ST14: variants seen among roughly 807,000 people sequenced by gnomAD.
ST14 encodes the protein suppressor of tumorigenicity 14 protein.
In ST14, 40 loss-of-function variants were observed where a neutral mutation model predicts 96.5. The observed-to-expected ratio is 0.41, with a 90% confidence interval of 0.32 to 0.54. The LOEUF is 0.54. ST14 is among the 20% of genes least tolerant of loss of function. ST14 has a pLI of 0.17. For synonymous variants in ST14, 506 were observed against 492.1 expected (o/e 1.03, Z -0.37); for missense variants, 1,066 against 1,188.9 (o/e 0.90, Z 1.52).
chr11:130,172,455 C>T (rs1321015937), intron 1 of ST14, among the ~76,000 whole-genome samples: 15 of 140,202 alleles, frequency 1.1e-4, no homozygotes, highest in African/African-American at 3.2e-4. Context: ...TCTCAGTCTG[C>T]CACCCAGGCT....
chr11:130,208,280 G>C, intron 16 of ST14, 130 bp from the exon 17 acceptor site: 1 of 1,305,246 alleles, frequency 7.7e-7, no homozygotes, highest in Non-Finnish European at 1.1e-6. Flanking sequence ...AGTAAGAGCC[G>C]GCCCCATCGT....
chr11:130,195,837 AGT>A (rs1302342483), intron 9 of ST14, among the ~76,000 whole-genome samples: 2 of 134,694 alleles, frequency 1.5e-5, no homozygotes, highest in Admixed American at 1.6e-4. Flanking sequence ...TGGGTGACAG[AGT>A]GAGACTTTGT....
Position 130,208,676 on chromosome 11 carries a change from A to C in ST14, c.2261A>C (p.Gln754Pro), listed in dbSNP as rs1183283750. Residue 754 changes from glutamine (Q) to proline (P), a missense_variant, in exon 17 of 19, where the codon CAG becomes CCG. Physicochemically the swap from Gln to Pro is moderately conservative, Grantham distance 76. Coordinates refer to ENST00000278742, the MANE Select transcript of ST14 (RefSeq NM_021978.4). Reference protein sequence around the residue: ...AIWVTGWGHTQYGGTGALILQ... With the variant: ...AIWVTGWGHTPYGGTGALILQ... The stretch of plus-strand genomic sequence containing the variant: ...TGGGTCACGGGCTGGGGACACACCC[A>C]GTATGGAGGTAAGCTTCGGGCTGAC... 6.2e-7 allele frequency: 1 copy of C among 1,612,852 alleles called. No homozygotes were observed. The highest frequency in any genetic ancestry group is 8.5e-7 in the Non-Finnish European group (1 of 1,179,350).
intron 9 of ST14, 33 bp from the exon 10 acceptor site, chr11:130,196,306 A>G (rs1953362279): frequency 1.3e-6 from 2 of 1,526,712 alleles, no homozygotes; most frequent in East Asian, 2.4e-5. Context: ...AGGGAGGGGA[A>G]CTGCACATTC....
intron 1 of ST14, among the ~76,000 whole-genome samples, chr11:130,166,190 G>A (rs148342389): frequency 4.6e-5 from 7 of 152,266 alleles, no homozygotes; most frequent in East Asian, 1.9e-4. Flanking sequence ...AAATTATGGC[G>A]GAAGTTTTAA....
chr11:130,168,837 G>A (rs1310003606), intron 1 of ST14, among the ~76,000 whole-genome samples: 2 of 152,068 alleles, frequency 1.3e-5, no homozygotes, highest in East Asian at 3.9e-4. Flanking sequence ...AGCCATGGAA[G>A]CGTGTTTTAG....
intron 1 of ST14, among the ~76,000 whole-genome samples, chr11:130,178,265 G>A (rs373521624): frequency 2.9e-4 from 44 of 150,384 alleles, no homozygotes; most frequent in East Asian, 2.0e-4. Context: ...GTCATTTGTC[G>A]GTCTTGCCGG....
chr11:130,186,023 G>T (rs1953234712), intron 1 of ST14, among the ~76,000 whole-genome samples: 1 of 151,934 alleles, frequency 6.6e-6, no homozygotes, highest in Admixed American at 6.6e-5. Context: ...GGCTGGGCTG[G>T]TCTCGAACTC....
At chr11:130,170,852 TC>T (rs1186723024) in intron 1 of ST14, among the ~76,000 whole-genome samples, 1 of 151,890 alleles carries the variant, frequency 6.6e-6, no homozygotes, top group East Asian at 1.9e-4. Flanking sequence ...TGCAGAGTGT[TC>T]CTTTTTTTTT....
chr11:130,193,495 A>C (rs1953325884), intron 7 of ST14, among the ~76,000 whole-genome samples: 2 of 126,392 alleles, frequency 1.6e-5, no homozygotes, highest in African/African-American at 3.0e-5. Flanking sequence ...TTTTTCTGAC[A>C]GTCTCGCTGT....
At chr11:130,196,937 G>A (rs1953372201) in intron 11 of ST14, 1 of 601,182 alleles carries the variant, frequency 1.7e-6, no homozygotes, top group Admixed American at 2.6e-5. Flanking sequence ...CCCAGCATGA[G>A]GTACCTGCGG....
chr11:130,209,290 A>G (rs1953521775), intron 17 of ST14, 152 bp from the exon 18 acceptor site: 2 of 1,031,798 alleles, frequency 1.9e-6, no homozygotes, highest in African/African-American at 3.2e-5. Context: ...CTATTGCCAG[A>G]GCCCACTGAG....
intron 11 of ST14, 22 bp downstream of exon 11, chr11:130,196,722 G>A: frequency 3.1e-6 from 5 of 1,614,204 alleles, no homozygotes; most frequent in Non-Finnish European, 4.2e-6. Context: ...TTGTTGGGAG[G>A]AGGGCTGGCG....
intron 1 of ST14, among the ~76,000 whole-genome samples, chr11:130,180,827 A>C (rs1308061321): frequency 6.6e-6 from 1 of 152,166 alleles, no homozygotes; most frequent in East Asian, 1.9e-4. Flanking sequence ...TCTAGAAATC[A>C]GTGTTTTTTT....
Position 130,160,333 on chromosome 11 carries a change from A to C in ST14, c.81+273A>C, listed in dbSNP as rs533396235. On this transcript the variant is annotated intron_variant, in intron 1 of 18. Transcript: ENST00000278742. Reference sequence around the variant, plus strand: ...TCCTTTCTTTCCCTGAGTTGAAAAAAGGGGCTCCGTCTCGGCCCCTCCATG... The same window carrying C: ...TCCTTTCTTTCCCTGAGTTGAAAAACGGGGCTCCGTCTCGGCCCCTCCATG... 2.4e-3 allele frequency among the ~76,000 whole-genome samples: 359 copies of C among 152,188 alleles called. 2 individuals carry two copies. The highest frequency in any genetic ancestry group is 8.2e-3 in the African/African-American group (342 of 41,558).
intron 16 of ST14, among the ~76,000 whole-genome samples, chr11:130,203,888 G>A (rs112100594): frequency 0.059 from 8,997 of 152,178 alleles, 339 homozygotes; most frequent in Middle Eastern, 0.095. Context: ...TCCTGACCAC[G>A]GGTGATCTGC....
intron 1 of ST14, among the ~76,000 whole-genome samples, chr11:130,179,837 G>A (rs1267325176): frequency 1.3e-5 from 2 of 152,174 alleles, no homozygotes; most frequent in Non-Finnish European, 2.9e-5. Context: ...CGGGAAATCT[G>A]GCCAGGATCC....
intron 16 of ST14, among the ~76,000 whole-genome samples, chr11:130,206,076 C>T (rs1457140730): frequency 6.6e-6 from 1 of 152,166 alleles, no homozygotes; most frequent in East Asian, 1.9e-4. Context: ...TTTCTTTAAC[C>T]TCATTTTAAT....
chr11:130,170,031 T>C (rs773207883), intron 1 of ST14, among the ~76,000 whole-genome samples: 1 of 151,978 alleles, frequency 6.6e-6, no homozygotes, highest in East Asian at 1.9e-4. Flanking sequence ...GCAAACTAAA[T>C]GGGATCGAAG....
Sources: gnomAD v4.1 joint callset for allele counts (sites outside exome capture counted in the v4.1 genomes callset) on GRCh38, gnomAD v4.1.1 for gene constraint, MANE v1.5 for transcripts, NCBI Gene and HGNC (gene_info 2026-07-23, HGNC 2026-07-21) for gene names.